The following ALPK2 variants were observed in gnomAD, a reference collection of about 807,000 sequenced individuals.
ALPK2 encodes the protein alpha-protein kinase 2.
A neutral mutation model predicts 163.1 loss-of-function variants in ALPK2; 127 were observed. That is an observed-to-expected ratio of 0.78 (90% CI 0.67 to 0.90). ALPK2 has a LOEUF of 0.90. ALPK2 is among the 40% of genes least tolerant of loss of function. The probability of loss-of-function intolerance (pLI) is 0.00; values close to 1 mark genes in which losing one functional copy is unlikely to be tolerated. For missense variants in ALPK2, 2,360 were observed against 2,589.6 expected (o/e 0.91, Z 1.92); for synonymous variants, 953 against 959.1 (o/e 0.99, Z 0.12).
intron 1 of ALPK2, among the ~76,000 whole-genome samples, chr18:58,612,679 CA>C (rs2052139073): frequency 6.6e-6 from 1 of 152,206 alleles, no homozygotes; most frequent in South Asian, 2.1e-4. Context: ...ACAGCTTGCA[CA>C]AGTATGAGCC....
intron 10 of ALPK2, among the ~76,000 whole-genome samples, chr18:58,510,415 T>G (rs1057027747): frequency 6.6e-6 from 1 of 152,240 alleles, no homozygotes; most frequent in Non-Finnish European, 1.5e-5. Context: ...TTTCCAATTC[T>G]GTGAAGAAAG....
intron 1 of ALPK2, among the ~76,000 whole-genome samples, chr18:58,626,352 A>G (rs866972745): frequency 6.6e-6 from 1 of 152,034 alleles, no homozygotes; most frequent in Non-Finnish European, 1.5e-5. Context: ...TGCGATCCCT[A>G]TCCTGGAAAC....
chr18:58,495,866 G>A (rs1171014512), intron 12 of ALPK2, among the ~76,000 whole-genome samples: 1 of 152,182 alleles, frequency 6.6e-6, no homozygotes, highest in African/African-American at 2.4e-5. Flanking sequence ...TAAGAACTTA[G>A]TCACATGCCC....
At chr18:58,565,301 C>T (rs771384143) in intron 4 of ALPK2, among the ~76,000 whole-genome samples, 2 of 152,134 alleles carry the variant, frequency 1.3e-5, no homozygotes, top group Non-Finnish European at 2.9e-5. Context: ...ATGGCTAATG[C>T]CCTTTTCAGT....
At chr18:58,490,273 C>T (rs1403143706) in intron 12 of ALPK2, among the ~76,000 whole-genome samples, 1 of 152,188 alleles carries the variant, frequency 6.6e-6, no homozygotes, top group Non-Finnish European at 1.5e-5. Context: ...AGGATGTCTA[C>T]AAGGTGACCT....
intron 1 of ALPK2, among the ~76,000 whole-genome samples, chr18:58,613,601 G>A (rs997456952): frequency 3.3e-5 from 5 of 151,746 alleles, no homozygotes; most frequent in East Asian, 1.9e-4. Context: ...GCTGAGGCAG[G>A]AGAATTGCTT....
Position 58,537,499 on chromosome 18 carries a change from C to A in ALPK2, c.2688G>T (p.Leu896Phe). Residue 896 changes from leucine (L) to phenylalanine (F), a missense_variant, in exon 5 of 13, where the codon TTG becomes TTT. By Grantham distance (22) the Leu-to-Phe change is conservative (BLOSUM62 0). Coordinates refer to ENST00000361673, the MANE Select transcript of ALPK2 (RefSeq NM_052947.4). ...MSPLFTSTFT[L>F]NISHTASEGA... is the part of the protein sequence containing the mutation. ...CTTCACTAGCTGTGTGTGAAATGTT[C>A]AAGGTGAAAGTACTGGTAAAAAGAG... is the stretch of plus-strand genomic sequence containing the variant. 6.2e-7 allele frequency: 1 copy of A among 1,612,140 alleles called. No homozygotes were observed. Among genetic ancestry groups the A allele is most frequent in the Non-Finnish European group, 8.5e-7 (1 of 1,178,650 alleles).
At chr18:58,496,385 C>T (rs150572479) in intron 12 of ALPK2, among the ~76,000 whole-genome samples, 11 of 152,312 alleles carry the variant, frequency 7.2e-5, no homozygotes, top group African/African-American at 2.6e-4. Flanking sequence ...GGGGAGAAGC[C>T]TGGAGACAGT....
In ALPK2 at chr18:58,610,018, G is replaced by A. The variant is rs144008241; in HGVS notation, c.109+1671C>T. ...TTATGACAACTTCTGCTAGCGAAAG[G>A]CAGCCGTTTCTGAGGCTCACCCCTC... On this transcript the variant is annotated intron_variant, in intron 2 of 12. Coordinates refer to ENST00000361673, the MANE Select transcript of ALPK2 (RefSeq NM_052947.4). Among the ~76,000 whole-genome samples the A allele has an allele frequency of 6.0e-3, 918 of 152,228 alleles. 9 individuals are homozygous for A. Among genetic ancestry groups the A allele is most frequent in the African/African-American group, 0.021 (866 of 41,526 alleles).
In ALPK2 at chr18:58,516,768, T is replaced by C. The variant is rs766063970; in HGVS notation, c.5940+140A>G. ...GAGAATTGAGAAGTGATCCCCAGCA[T>C]TGAGATTGAATTGAAACCCCAAAAG... On this transcript the variant is annotated intron_variant, in intron 9 of 12. Coordinates refer to ENST00000361673, the MANE Select transcript of ALPK2 (RefSeq NM_052947.4). The C allele has an allele frequency of 2.8e-5, 29 of 1,044,690 alleles. No individual in the cohort carries two copies. In the Admixed American group the frequency reaches 4.6e-4, roughly 17 times the overall value. 64.7% of individuals were successfully genotyped at this position (1,044,690 alleles called of 1,614,324 possible).
intron 10 of ALPK2, among the ~76,000 whole-genome samples, chr18:58,508,432 T>C (rs1014489109): frequency 2.6e-5 from 4 of 152,088 alleles, no homozygotes; most frequent in Non-Finnish European, 1.5e-5. Context: ...CAGGATGAGA[T>C]AGGAGGTTAG....
chr18:58,545,994 T>C (rs143309589), intron 4 of ALPK2, among the ~76,000 whole-genome samples: 276 of 152,220 alleles, frequency 1.8e-3, no homozygotes, highest in African/African-American at 6.2e-3. Context: ...AAACTGAAAA[T>C]AGATAGCCCG....
chr18:58,553,580 G>A (rs920714491), intron 4 of ALPK2, among the ~76,000 whole-genome samples: 2 of 152,158 alleles, frequency 1.3e-5, no homozygotes, highest in Admixed American at 1.3e-4. Flanking sequence ...ACCAGGTGGA[G>A]GTAATTGAAC....
chr18:58,612,798 G>C (rs1325930841), intron 1 of ALPK2, among the ~76,000 whole-genome samples: 2 of 152,240 alleles, frequency 1.3e-5, no homozygotes, highest in African/African-American at 2.4e-5. Context: ...CTCCTTTGTG[G>C]AGCCCTGAGC....
chr18:58,515,039 A>G lies in ALPK2; in HGVS notation c.5983T>C (p.Tyr1995His). 1 of 1,613,148 alleles carries G rather than the reference A, an allele frequency of 6.2e-7. No individual in the cohort carries two copies. Among genetic ancestry groups the G allele is most frequent in the Non-Finnish European group, 8.5e-7 (1 of 1,179,446 alleles). ...TCCAGAGGCTGTGCTTCAGCAGCGT[A>G]GATCTTGGCATAATACCTGGCAGTA... ...QNTARYYAKIYAAEAQPLEGF... is the reference protein window; with the variant it reads ...QNTARYYAKIHAAEAQPLEGF... Residue 1995 changes from tyrosine (Y) to histidine (H), a missense_variant, in exon 10 of 13, where the codon TAC becomes CAC. Coordinates refer to ENST00000361673, the MANE Select transcript of ALPK2 (RefSeq NM_052947.4).
At chr18:58,533,657 T>G (rs1347595172) in intron 5 of ALPK2, among the ~76,000 whole-genome samples, 1 of 152,086 alleles carries the variant, frequency 6.6e-6, no homozygotes, top group Non-Finnish European at 1.5e-5. Flanking sequence ...GGTTTCGCCA[T>G]GTTGCTCAGG....
intron 4 of ALPK2, among the ~76,000 whole-genome samples, chr18:58,556,586 G>A (rs1378223099): frequency 1.3e-5 from 2 of 152,034 alleles, no homozygotes; most frequent in Admixed American, 6.6e-5. Flanking sequence ...AGGAAGGTGG[G>A]AGGGAAGGGT....
At chr18:58,526,058 G>C (rs893913112) in intron 6 of ALPK2, among the ~76,000 whole-genome samples, 1 of 151,520 alleles carries the variant, frequency 6.6e-6, no homozygotes, top group Non-Finnish European at 1.5e-5. Context: ...CAATACAGCT[G>C]TAGAAAGCAG....
intron 12 of ALPK2, among the ~76,000 whole-genome samples, chr18:58,496,097 G>A (rs2051399738): frequency 6.6e-6 from 1 of 152,160 alleles, no homozygotes; most frequent in African/African-American, 2.4e-5. Context: ...TGGGATGTGA[G>A]GACATCAGGC....
Sources: gnomAD v4.1 joint callset for allele counts (sites outside exome capture counted in the v4.1 genomes callset) on GRCh38, gnomAD v4.1.1 for gene constraint, MANE v1.5 for transcripts, NCBI Gene and HGNC (gene_info 2026-07-23, HGNC 2026-07-21) for gene names.